Variants in TNFAIP8L3 observed in about 807,000 individuals in gnomAD.
TNFAIP8L3 encodes the protein tumor necrosis factor alpha-induced protein 8-like protein 3.
TNFAIP8L3 carries 7 observed loss-of-function variants against 11.8 expected under a neutral mutation model. The ratio of observed to expected loss-of-function variants is 0.59; its 90% CI spans 0.34 to 1.11. The LOEUF is 1.11. Among genes scored for constraint, TNFAIP8L3 ranks in the 50% most tolerant of loss-of-function variants. TNFAIP8L3 has a pLI of 0.03. For synonymous variants in TNFAIP8L3, 98 were observed against 103.8 expected, an observed-to-expected ratio of 0.94 and a Z score of 0.34; for missense variants, 219 against 258.6, an observed-to-expected ratio of 0.85 and a Z score of 1.05.
intron 1 of TNFAIP8L3, among the ~76,000 whole-genome samples, chr15:51,068,322 CCT>C (rs1280735743): frequency 6.6e-6 from 1 of 151,974 alleles, no homozygotes; most frequent in African/African-American, 2.4e-5. Context: ...TGAATTCATC[CCT>C]GAGTTCCAGG....
At chr15:51,090,384 C>T (rs988205663) in intron 1 of TNFAIP8L3, among the ~76,000 whole-genome samples, 1 of 152,176 alleles carries the variant, frequency 6.6e-6, no homozygotes, top group Non-Finnish European at 1.5e-5. Context: ...GCAAATCTTG[C>T]ATCTCTCCAT....
intron 1 of TNFAIP8L3, among the ~76,000 whole-genome samples, chr15:51,089,404 G>A (rs2065451033): frequency 6.6e-6 from 1 of 152,192 alleles, no homozygotes; most frequent in African/African-American, 2.4e-5. Context: ...AGGAAGGGCT[G>A]GTGTCAAGGG....
chr15:51,068,660 G>GTT (rs113982459), intron 1 of TNFAIP8L3, among the ~76,000 whole-genome samples: 89 of 116,360 alleles, frequency 7.6e-4, no homozygotes, highest in East Asian at 1.2e-3. Flanking sequence ...CACCCCTCCT[G>GTT]TTTTTTTTTT....
chr15:51,103,615 T>C (rs2065568778), intron 1 of TNFAIP8L3, among the ~76,000 whole-genome samples: 1 of 152,226 alleles, frequency 6.6e-6, no homozygotes, highest in South Asian at 2.1e-4. Context: ...TCAAGTGGAC[T>C]GGTTCTCCTC....
intron 1 of TNFAIP8L3, among the ~76,000 whole-genome samples, chr15:51,082,824 A>G (rs1244410048): frequency 6.6e-6 from 1 of 152,236 alleles, no homozygotes; most frequent in East Asian, 1.9e-4. Flanking sequence ...TCGTCAAAAC[A>G]TCATCAGGTG....
Position 51,094,804 on chromosome 15 carries a change from T to G in TNFAIP8L3, c.-209A>C. 1.4e-6 allele frequency: 1 copy of G among 692,250 alleles called. No individual in the cohort carries two copies. The highest frequency in any genetic ancestry group is 1.8e-6 in the Non-Finnish European group (1 of 564,672). 42.9% of individuals were successfully genotyped at this position (692,250 alleles called of 1,614,324 possible). On this transcript the variant is annotated 5_prime_UTR_variant, in exon 1 of 2. Transcript: ENST00000637513. This position sits in a 1 kb window ranked among gnomAD's most constrained non-coding sequence, Gnocchi z 4.4. ...CCCGCTCCCCGCGCCCGCCGGCCGGTGCCTGCGCGCGAGGCGAGCGCAGGG... is the reference window on the plus strand; with the variant it reads ...CCCGCTCCCCGCGCCCGCCGGCCGGGGCCTGCGCGCGAGGCGAGCGCAGGG...
In TNFAIP8L3 at chr15:51,058,061, C is replaced by G; in HGVS notation, c.435G>C (p.Val145=). ...TCAGGTGCCGCTGCACCAGTTCATG[C>G]ACCAGGTCCTTGCACTCATGCAGGA... ...SNLLHECKDL[V]HELVQRHLTP... Residue 145 remains valine, a synonymous_variant, in exon 2 of 2, where the codon GTG becomes GTC. Transcript: ENST00000637513. 1 of 1,614,064 alleles carries G rather than the reference C, an allele frequency of 6.2e-7. No individual in the cohort carries two copies. Among genetic ancestry groups the G allele is most frequent in the South Asian group, 1.1e-5 (1 of 91,048 alleles).
intron 1 of TNFAIP8L3, among the ~76,000 whole-genome samples, chr15:51,066,073 G>GA (rs796777612): frequency 7.1e-4 from 98 of 137,514 alleles, no homozygotes; most frequent in East Asian, 2.3e-3. Context: ...TTGTTAGGGG[G>GA]AAAAAAAAAA....
In TNFAIP8L3 at chr15:51,074,512, A is replaced by G. The variant is rs116473226; in HGVS notation, c.53-16069T>C. On this transcript the variant is annotated intron_variant, in intron 1 of 1. Transcript: ENST00000637513. Reference sequence around the variant, plus strand: ...TTCTAATGCTCCTTCCTAAGTAACAAAGTAACAGGAGATACTGAAGAGGAG... The same window carrying G: ...TTCTAATGCTCCTTCCTAAGTAACAGAGTAACAGGAGATACTGAAGAGGAG... Among the ~76,000 whole-genome samples the G allele has an allele frequency of 1.7e-3, 256 of 152,306 alleles. 2 individuals carry two copies. Among genetic ancestry groups the G allele is most frequent in the African/African-American group, 6.0e-3 (248 of 41,550 alleles).
At chr15:51,079,236 C>T (rs2065375425) in intron 1 of TNFAIP8L3, among the ~76,000 whole-genome samples, 5 of 152,370 alleles carry the variant, frequency 3.3e-5, no homozygotes. Context: ...TTACTCTCTT[C>T]CCAGCCCAAT....
At chr15:51,076,977 T>C (rs1186476169) in intron 1 of TNFAIP8L3, among the ~76,000 whole-genome samples, 1 of 152,154 alleles carries the variant, frequency 6.6e-6, no homozygotes, top group African/African-American at 2.4e-5. Flanking sequence ...TCCTCTCCCG[T>C]GCTGGATTCC....
At chr15:51,058,556 T>A (rs374204448) in intron 1 of TNFAIP8L3, 113 bp from the exon 2 acceptor site, 1 of 988,046 alleles carries the variant, frequency 1.0e-6, no homozygotes, top group South Asian at 1.9e-5. Flanking sequence ...AAAACTCATG[T>A]CTTTATATTC....
chr15:51,079,048 A>C (rs2065374405), intron 1 of TNFAIP8L3, among the ~76,000 whole-genome samples: 1 of 152,212 alleles, frequency 6.6e-6, no homozygotes, highest in South Asian at 2.1e-4. Flanking sequence ...AACCTTCAAG[A>C]CAGCCCAGAC....
intron 1 of TNFAIP8L3, among the ~76,000 whole-genome samples, chr15:51,100,228 T>G (rs1401594361): frequency 6.6e-6 from 1 of 152,196 alleles, no homozygotes; most frequent in Non-Finnish European, 1.5e-5. Context: ...GATTTAAGTT[T>G]TGAGGAGGTC....
At chr15:51,069,877 G>A (rs1343358078) in intron 1 of TNFAIP8L3, among the ~76,000 whole-genome samples, 2 of 152,164 alleles carry the variant, frequency 1.3e-5, no homozygotes, top group Non-Finnish European at 2.9e-5. Context: ...ATCTGCCTTC[G>A]AAAAATTCCC....
chr15:51,077,747 T>G (rs1000650908), intron 1 of TNFAIP8L3, among the ~76,000 whole-genome samples: 1 of 152,210 alleles, frequency 6.6e-6, no homozygotes, highest in Non-Finnish European at 1.5e-5. Flanking sequence ...AATATGCACA[T>G]GCGCACTGGG....
At chr15:51,102,081 A>C (rs1287115368) in intron 1 of TNFAIP8L3, among the ~76,000 whole-genome samples, 1 of 152,130 alleles carries the variant, frequency 6.6e-6, no homozygotes, top group Non-Finnish European at 1.5e-5. Flanking sequence ...CAACTAGATG[A>C]CCATGGGTAG....
chr15:51,058,425 GAACTAAAAAC>G lies in TNFAIP8L3; in HGVS notation c.61_70del (p.Val21GlnfsTer13), dbSNP rs1408608250. On this transcript the variant is annotated frameshift_variant, in exon 2 of 2. Coordinates refer to ENST00000637513, the MANE Select transcript of TNFAIP8L3 (RefSeq NM_001311175.2). LOFTEE classifies it high-confidence loss of function. ...CTGGGCTTGAAGCGCAAGACTCTTT[GAACTAAAAAC>G]ATCAGGACCTATGGTAAAAAAAATA... is the stretch of plus-strand genomic sequence containing the variant. The G allele has an allele frequency of 1.3e-6, 2 of 1,585,800 alleles. No homozygotes were observed. The highest frequency in any genetic ancestry group is 8.5e-7 in the Non-Finnish European group (1 of 1,171,218).
intron 1 of TNFAIP8L3, among the ~76,000 whole-genome samples, chr15:51,062,211 C>A (rs2065246046): frequency 6.6e-6 from 1 of 152,044 alleles, no homozygotes; most frequent in Non-Finnish European, 1.5e-5. Flanking sequence ...GAGGTTGAGG[C>A]TGCAGTGAGC....
Sources: gnomAD v4.1 joint callset for allele counts (sites outside exome capture counted in the v4.1 genomes callset) on GRCh38, gnomAD v4.1.1 for gene constraint, Gnocchi (gnomAD v3.1) non-coding constraint, MANE v1.5 for transcripts, NCBI Gene and HGNC (gene_info 2026-07-23, HGNC 2026-07-21) for gene names.